The following LRRC4C variants were observed in gnomAD, a reference collection of about 807,000 sequenced individuals.
LRRC4C encodes the protein leucine-rich repeat-containing protein 4C.
LRRC4C carries 5 observed loss-of-function variants against 33.6 expected under a neutral mutation model. That is an observed-to-expected ratio of 0.15 (90% CI 0.08 to 0.31). LRRC4C has a LOEUF of 0.31. Among genes scored for constraint, LRRC4C ranks in the 10% least tolerant of loss-of-function variants. The pLI, the probability that LRRC4C is intolerant of heterozygous loss-of-function variation, is 1.00. For synonymous variants in LRRC4C, 329 were observed against 302.0 expected (o/e 1.09, Z -0.93); for missense variants, 560 against 796.7 (o/e 0.70, Z 3.58).
intron 3 of LRRC4C, among the ~76,000 whole-genome samples, chr11:40,499,683 G>T (rs1379657156): frequency 6.6e-6 from 1 of 152,086 alleles, no homozygotes; most frequent in Non-Finnish European, 1.5e-5. Flanking sequence ...TCTCTAAATT[G>T]GGTAACTCTT....
intron 2 of LRRC4C, among the ~76,000 whole-genome samples, chr11:40,776,873 A>G (rs1950020443): frequency 6.6e-6 from 1 of 152,100 alleles, no homozygotes; most frequent in Non-Finnish European, 1.5e-5. Flanking sequence ...AGAGCTATAA[A>G]CTTTCCTCTT....
chr11:40,986,598 C>T (rs1853025378), intron 1 of LRRC4C, among the ~76,000 whole-genome samples: 1 of 151,348 alleles, frequency 6.6e-6, no homozygotes, highest in Admixed American at 6.6e-5. Flanking sequence ...GAAAAAAAGA[C>T]AGAGAGAGAG....
chr11:40,787,305 G>A (rs1373190631), intron 2 of LRRC4C, among the ~76,000 whole-genome samples: 1 of 152,196 alleles, frequency 6.6e-6, no homozygotes, highest in Admixed American at 6.5e-5. Flanking sequence ...GGAGGAGAAA[G>A]GGATCTGACT....
At chr11:41,155,193 T>C (rs747710337) in intron 1 of LRRC4C, among the ~76,000 whole-genome samples, 1 of 152,106 alleles carries the variant, frequency 6.6e-6, no homozygotes, top group Non-Finnish European at 1.5e-5. Flanking sequence ...TGGGTGCATG[T>C]TTTGCTTAAT....
intron 1 of LRRC4C, among the ~76,000 whole-genome samples, chr11:41,018,221 C>T (rs1233278696): frequency 6.6e-6 from 1 of 152,126 alleles, no homozygotes; most frequent in Non-Finnish European, 1.5e-5. Context: ...TAAGTGACTA[C>T]AATTAGAAAA....
At chr11:40,611,217 T>C (rs962406282) in intron 3 of LRRC4C, among the ~76,000 whole-genome samples, 1 of 151,710 alleles carries the variant, frequency 6.6e-6, no homozygotes, top group African/African-American at 2.4e-5. Context: ...GAGAAACCCA[T>C]GCATATACAG....
intron 3 of LRRC4C, among the ~76,000 whole-genome samples, chr11:40,626,313 A>G (rs1026277159): frequency 6.6e-6 from 1 of 152,232 alleles, no homozygotes; most frequent in African/African-American, 2.4e-5. Context: ...CTAAAATTCA[A>G]CCCCAAGACC....
chr11:40,320,893 G>C (rs2136850847), intron 3 of LRRC4C, among the ~76,000 whole-genome samples: 1 of 152,214 alleles, frequency 6.6e-6, no homozygotes, highest in African/African-American at 2.4e-5. Flanking sequence ...CCAATTGTTA[G>C]CTTCTCTCTC....
intron 3 of LRRC4C, among the ~76,000 whole-genome samples, chr11:40,341,493 G>A (rs1946864173): frequency 7.7e-6 from 1 of 129,970 alleles, no homozygotes; most frequent in Non-Finnish European, 1.6e-5. Flanking sequence ...GGCGGGAACT[G>A]AACAATGAGA....
chr11:41,321,121 A>G (rs544229672), intron 1 of LRRC4C, among the ~76,000 whole-genome samples: 21 of 152,328 alleles, frequency 1.4e-4, no homozygotes, highest in Middle Eastern at 3.4e-3. Context: ...TAGGCCCACT[A>G]ATAATTTTTC....
intron 1 of LRRC4C, among the ~76,000 whole-genome samples, chr11:41,401,191 A>C (rs1456746599): frequency 6.6e-6 from 1 of 151,858 alleles, no homozygotes; most frequent in Non-Finnish European, 1.5e-5. Flanking sequence ...TTACTAAAGT[A>C]ACTGAGAGCT....
In LRRC4C at chr11:40,876,316, C is replaced by T. The variant is rs988731238; in HGVS notation, c.-407+57319G>A. Among the ~76,000 whole-genome samples, 12 of 121,590 alleles carry T rather than the reference C, an allele frequency of 9.9e-5. 1 individual carries two copies. The highest frequency in any genetic ancestry group is 5.6e-4 in the South Asian group (2 of 3,574). 79.8% of individuals were successfully genotyped at this position (121,590 alleles called of 152,430 possible). A position where few individuals can be genotyped will look rare whatever the true frequency, so the allele number is the denominator to read the frequency against. The stretch of plus-strand genomic sequence containing the variant: ...GTAATGCTGAAACCCTTTTGAAAGC[C>T]GAGACAGGTGATCATGCACCAGCTA... On this transcript the variant is annotated intron_variant, in intron 2 of 6. Transcript: ENST00000528697.
chr11:41,186,153 G>A (rs1245287811), intron 1 of LRRC4C, among the ~76,000 whole-genome samples: 1 of 152,012 alleles, frequency 6.6e-6, no homozygotes, highest in Admixed American at 6.5e-5. Context: ...TTTGTCTGAT[G>A]AAGCCAAAAA....
chr11:40,866,085 T>C (rs1380865240), intron 2 of LRRC4C, among the ~76,000 whole-genome samples: 1 of 151,066 alleles, frequency 6.6e-6, no homozygotes, highest in Non-Finnish European at 1.5e-5. Context: ...GTCAGAAGTA[T>C]ATGGTCTGAT....
chr11:40,413,532 C>T (rs1017151719), intron 3 of LRRC4C, among the ~76,000 whole-genome samples: 2 of 152,154 alleles, frequency 1.3e-5, no homozygotes, highest in African/African-American at 4.8e-5. Flanking sequence ...TTTCACTTCT[C>T]ATTCTCATGG....
At chr11:40,154,287 C>CAAAAAAAAAAA (rs60017606) in intron 5 of LRRC4C, among the ~76,000 whole-genome samples, 7 of 114,208 alleles carry the variant, frequency 6.1e-5, no homozygotes, top group Middle Eastern at 4.3e-3. Context: ...AGCTAAAAAG[C>CAAAAAAAAAAA]AAAAAAAAAA....
intron 3 of LRRC4C, among the ~76,000 whole-genome samples, chr11:40,542,040 C>T (rs1351630345): frequency 7.9e-6 from 1 of 125,906 alleles, no homozygotes; most frequent in African/African-American, 2.9e-5. Flanking sequence ...CTTTCTCTTT[C>T]TTTCTCTTTC....
chr11:41,128,648 A>T (rs1942863809), intron 1 of LRRC4C, among the ~76,000 whole-genome samples: 1 of 152,042 alleles, frequency 6.6e-6, no homozygotes, highest in African/African-American at 2.4e-5. Context: ...ACCTCCTCAC[A>T]CTCCTAATGA....
chr11:41,366,256 T>A (rs1952541135), intron 1 of LRRC4C, among the ~76,000 whole-genome samples: 1 of 151,912 alleles, frequency 6.6e-6, no homozygotes, highest in African/African-American at 2.4e-5. Context: ...GTAGATATCC[T>A]AATTTAGGCT....
Sources: allele counts gnomAD v4.1 joint callset (sites outside exome capture counted in the v4.1 genomes callset), GRCh38; gene constraint gnomAD v4.1.1; transcripts MANE v1.5; gene names NCBI Gene and HGNC (gene_info 2026-07-23, HGNC 2026-07-21).